NFIX: variants seen among roughly 807,000 people sequenced by gnomAD.
NFIX encodes the protein nuclear factor 1 X-type.
A neutral mutation model predicts 53.3 loss-of-function variants in NFIX; 2 were observed. The observed-to-expected ratio is 0.04, with a 90% CI of 0.02 to 0.12. The LOEUF (loss-of-function observed/expected upper bound fraction) is 0.12, where lower values mean the gene tolerates loss of function less well. Ranked by LOEUF, NFIX falls within the 10% of genes least tolerant of loss-of-function variation. NFIX has a pLI of 1.00. For missense variants in NFIX, 310 were observed against 674.5 expected (o/e 0.46, Z 5.99); for synonymous variants, 244 against 289.0 (o/e 0.84, Z 1.58).
chr19:13,065,077 C>A (rs1341337694), intron 2 of NFIX, among the ~76,000 whole-genome samples: 1 of 152,072 alleles, frequency 6.6e-6, no homozygotes, highest in East Asian at 1.9e-4. Context: ...TTGCTGGCCA[C>A]CCACCTCCTT....
intron 2 of NFIX, among the ~76,000 whole-genome samples, chr19:13,065,825 C>A (rs1193025064): frequency 6.6e-6 from 1 of 152,100 alleles, no homozygotes; most frequent in Non-Finnish European, 1.5e-5. Context: ...AAGCAGAGAA[C>A]GCTGAGTAGC....
intron 2 of NFIX, among the ~76,000 whole-genome samples, chr19:13,057,237 C>G (rs947990978): frequency 6.6e-6 from 1 of 152,212 alleles, no homozygotes; most frequent in Admixed American, 6.5e-5. Context: ...GAGCCTCCCC[C>G]ACCAATGACA....
At chr19:13,092,812 C>T (rs1009773049) in intron 10 of NFIX, among the ~76,000 whole-genome samples, 1 of 152,230 alleles carries the variant, frequency 6.6e-6, no homozygotes, top group Non-Finnish European at 1.5e-5. Flanking sequence ...GGTTCTCCCC[C>T]ACCCACTCTG....
chr19:13,006,613 G>T lies in NFIX; in HGVS notation c.27+10749G>T, dbSNP rs1444253099. 6.6e-6 allele frequency among the ~76,000 whole-genome samples: 1 copy of T among 152,184 alleles called. No homozygotes were observed. Among genetic ancestry groups the T allele is most frequent in the East Asian group, 1.9e-4 (1 of 5,186 alleles). On this transcript the variant is annotated intron_variant, in intron 1 of 10. Transcript: ENST00000592199. The surrounding 1 kb of genome is among the most constrained non-coding windows in gnomAD (Gnocchi z 5.6). ...CAATTTAGCTCCCCCGGGGCGGGCT[G>T]GGTTTATTTTTACCCCAGCCTGTCA...
intron 2 of NFIX, among the ~76,000 whole-genome samples, chr19:13,064,098 C>G (rs2016256627): frequency 6.6e-6 from 1 of 152,092 alleles, no homozygotes; most frequent in South Asian, 2.1e-4. Context: ...CAGGGCCCCT[C>G]TCTTTTCTTG....
At position 13,075,718 on chromosome 19, in the gene NFIX, CT is replaced by C. The variant is rs774047639; in HGVS notation, c.955+52del. ...ACCCAGAGCAAGGGCAGCCCAGAGT[CT>C]TTTTGTCCCCTTCTCAGTTCACCTG... is the stretch of plus-strand genomic sequence containing the variant. On this transcript the variant is annotated intron_variant, in intron 6 of 10. Coordinates refer to ENST00000592199, the MANE Select transcript of NFIX (RefSeq NM_001365902.3). 46 of 1,588,592 alleles carry C rather than the reference CT, an allele frequency of 2.9e-5. 1 individual carries two copies. The highest frequency in any genetic ancestry group is 1.1e-4 in the East Asian group (5 of 44,316).
rs746140033 is a variant in NFIX, at chr19:13,002,933, G to T, written c.27+7069G>T. 7.9e-5 allele frequency among the ~76,000 whole-genome samples: 12 copies of T among 152,156 alleles called. No homozygotes were observed. Among genetic ancestry groups the T allele is most frequent in the Admixed American group, 6.5e-5 (1 of 15,288 alleles). On this transcript the variant is annotated intron_variant, in intron 1 of 10. Coordinates refer to ENST00000592199, the MANE Select transcript of NFIX (RefSeq NM_001365902.3). The surrounding 1 kb of genome is among the most constrained non-coding windows in gnomAD (Gnocchi z 6.1). Reference sequence around the variant, plus strand: ...ATCGGGCAAGAGCGGGGATCTGTCTGTCCCCACCTGAATCTGTGTGAGCCA... The same window carrying T: ...ATCGGGCAAGAGCGGGGATCTGTCTTTCCCCACCTGAATCTGTGTGAGCCA...
In NFIX at chr19:13,078,662, C is replaced by G. The variant is rs2017263634; in HGVS notation, c.1005C>G (p.Leu335=). The G allele has an allele frequency of 2.5e-6, 4 of 1,600,122 alleles. No homozygotes were observed. In the African/African-American group the frequency reaches 4.0e-5, roughly 16 times the overall value. Residue 335 remains leucine, a synonymous_variant, in exon 7 of 11, where the codon CTC becomes CTG. Coordinates refer to ENST00000592199, the MANE Select transcript of NFIX (RefSeq NM_001365902.3). The surrounding 1 kb of genome is among the most constrained non-coding windows in gnomAD (Gnocchi z 4.7). ...KSGKLDFCSA[L]SSQGSSPRMA... ...GAAAGCTGGACTTCTGCAGTGCCCT[C>G]TCCTCTCAGGGCAGCTCCCCGCGCA... is the stretch of plus-strand genomic sequence containing the variant.
chr19:13,069,457 A>G (rs1308528773), intron 2 of NFIX, among the ~76,000 whole-genome samples: 1 of 152,226 alleles, frequency 6.6e-6, no homozygotes, highest in Non-Finnish European at 1.5e-5. Flanking sequence ...CCACTGGCCC[A>G]TAGGCCACCA....
At chr19:12,999,487 AACACAC>A (rs111890375) in intron 1 of NFIX, among the ~76,000 whole-genome samples, 78,588 of 149,266 alleles carry the variant, frequency 0.53, 20,540 homozygotes, top group East Asian at 0.64. Flanking sequence ...TACCTTTTCA[AACACAC>A]ACACACACAC....
At chr19:13,059,755 C>T (rs141482627) in intron 2 of NFIX, among the ~76,000 whole-genome samples, 403 of 82,106 alleles carry the variant, frequency 4.9e-3, no homozygotes, top group Middle Eastern at 7.2e-3. Context: ...TTTTTTTTTT[C>T]TAATTTGATT....
At chr19:13,054,408 G>A (rs116767742) in intron 2 of NFIX, among the ~76,000 whole-genome samples, 2 of 152,146 alleles carry the variant, frequency 1.3e-5, no homozygotes, top group Non-Finnish European at 2.9e-5. Context: ...TGTGTAACTC[G>A]AGCTCCCCAT....
rs1369217282 is a variant in NFIX, at chr19:12,998,958, C to T, written c.27+3094C>T. ...CACTCACAAACCCCTCGAGATGATA[C>T]AGATAGCGACGAAGGCACATGGAGA... On this transcript the variant is annotated intron_variant, in intron 1 of 10. Transcript: ENST00000592199. This position sits in a 1 kb window ranked among gnomAD's most constrained non-coding sequence, Gnocchi z 4.4. 2.6e-5 allele frequency among the ~76,000 whole-genome samples: 4 copies of T among 152,210 alleles called. No homozygotes were observed. The highest frequency in any genetic ancestry group is 6.5e-5 in the Admixed American group (1 of 15,292).
At position 13,052,708 on chromosome 19, in the gene NFIX, G is replaced by A. The variant is rs146533372; in HGVS notation, c.560-20339G>A. Among the ~76,000 whole-genome samples the A allele has an allele frequency of 9.9e-5, 15 of 152,106 alleles. No homozygotes were observed. The highest frequency in any genetic ancestry group is 3.4e-4 in the African/African-American group (14 of 41,434). On this transcript the variant is annotated intron_variant, in intron 2 of 10. Transcript: ENST00000592199. The surrounding 1 kb of genome is among the most constrained non-coding windows in gnomAD (Gnocchi z 5.2). ...CGATTCCATATACTGTGCTCATCTC[G>A]ACCCAGTTGAGGCTGTGCTTCTGTG...
intron 10 of NFIX, among the ~76,000 whole-genome samples, chr19:13,091,826 C>T (rs2018158782): frequency 6.6e-6 from 1 of 152,256 alleles, no homozygotes; most frequent in Non-Finnish European, 1.5e-5. Context: ...TGCGGTCGTG[C>T]GCTCCGAGGA....
At chr19:13,058,089 G>C (rs866443977) in intron 2 of NFIX, among the ~76,000 whole-genome samples, 2 of 152,178 alleles carry the variant, frequency 1.3e-5, no homozygotes, top group Middle Eastern at 3.4e-3. Flanking sequence ...AGGAACAGGG[G>C]AGGGGGTTGC....
chr19:13,057,281 G>T (rs1325693519), intron 2 of NFIX, among the ~76,000 whole-genome samples: 4 of 152,246 alleles, frequency 2.6e-5, no homozygotes, highest in Non-Finnish European at 4.4e-5. Flanking sequence ...AGAGCGGGGA[G>T]CGAGCAGGAG....
chr19:13,076,072 G>A (rs1450320999), intron 6 of NFIX, among the ~76,000 whole-genome samples: 7 of 152,192 alleles, frequency 4.6e-5, no homozygotes. Flanking sequence ...GTGCATGGCA[G>A]GATGTTTAGC....
rs1158300867 is a variant in NFIX at position 13,005,343 on chromosome 19, T to C, written c.27+9479T>C. 6.6e-6 allele frequency among the ~76,000 whole-genome samples: 1 copy of C among 152,260 alleles called. No individual in the cohort carries two copies. The highest frequency in any genetic ancestry group is 1.5e-5 in the Non-Finnish European group (1 of 68,048). ...CACCCTTGCTAAGTGCCTTCCCAGC[T>C]TGTCTTCTTGAATCCTGTGTTCAGC... On this transcript the variant is annotated intron_variant, in intron 1 of 10. Coordinates refer to ENST00000592199, the MANE Select transcript of NFIX (RefSeq NM_001365902.3). The surrounding 1 kb of genome is among the most constrained non-coding windows in gnomAD (Gnocchi z 4.7).
Sources: allele counts gnomAD v4.1 joint callset (sites outside exome capture counted in the v4.1 genomes callset), GRCh38; gene constraint gnomAD v4.1.1; non-coding constraint Gnocchi (gnomAD v3.1); transcripts MANE v1.5; gene names NCBI Gene and HGNC (gene_info 2026-07-23, HGNC 2026-07-21).